Variants in MTMR3 observed in about 807,000 individuals in gnomAD.
MTMR3 encodes the protein myotubularin related protein 3.
MTMR3 carries 32 observed loss-of-function variants against 132.4 expected under a neutral mutation model. The observed-to-expected ratio is 0.24, with a 90% CI of 0.18 to 0.32. MTMR3 has a LOEUF of 0.32. Among genes scored for constraint, MTMR3 ranks in the 10% least tolerant of loss-of-function variants. The probability of loss-of-function intolerance (pLI) is 1.00; values close to 1 mark genes in which losing one functional copy is unlikely to be tolerated. For synonymous variants in MTMR3, 556 were observed against 550.3 expected (o/e 1.01, Z -0.14); for missense variants, 1,216 against 1,489.6 (o/e 0.82, Z 3.02).
chr22:29,968,608 ACT>A lies in MTMR3; in HGVS notation c.-84-2365_-84-2364del, dbSNP rs1227426097. 2.0e-5 allele frequency among the ~76,000 whole-genome samples: 3 copies of A among 151,912 alleles called. No homozygotes were observed. In the East Asian group the frequency reaches 5.8e-4, roughly 29 times the overall value. On this transcript the variant is annotated intron_variant, in intron 2 of 19. Transcript: ENST00000401950. ...AGCATTTCTGTTACACCATCACCAA[ACT>A]CTGCTTAATTTTCTTTGCAGCAGTT...
chr22:29,911,184 G>C (rs546878787), intron 1 of MTMR3, among the ~76,000 whole-genome samples: 1 of 152,226 alleles, frequency 6.6e-6, no homozygotes, highest in African/African-American at 2.4e-5. Flanking sequence ...GTGCCTTTGA[G>C]GCCCTGGTCC....
Position 29,902,160 on chromosome 22 carries a change from A to G in MTMR3, c.-138+18801A>G, listed in dbSNP as rs556370753. Among the ~76,000 whole-genome samples, 195 of 152,266 alleles carry G rather than the reference A, an allele frequency of 1.3e-3. 1 individual carries two copies. The highest frequency in any genetic ancestry group is 4.6e-3 in the African/African-American group (191 of 41,564). On this transcript the variant is annotated intron_variant, in intron 1 of 19. Transcript: ENST00000401950. The stretch of plus-strand genomic sequence containing the variant: ...TATAAATTGCTTGGTAAACTACCCT[A>G]AAAAAGCCCACTCTGGAATGAGAAG...
chr22:30,012,759 T>G (rs2067465370), intron 13 of MTMR3, 196 bp downstream of exon 13: 1 of 526,992 alleles, frequency 1.9e-6, no homozygotes, highest in Non-Finnish European at 3.2e-6. Context: ...TGGGGCAGAT[T>G]ATGGGTAACA....
chr22:29,927,935 C>CTTTTTTTT (rs1448628702), intron 1 of MTMR3, among the ~76,000 whole-genome samples: 2 of 108,472 alleles, frequency 1.8e-5, no homozygotes, highest in African/African-American at 6.3e-5. Context: ...AATCTCTAGC[C>CTTTTTTTT]TTTGTTTTTT....
At chr22:29,971,208 C>CT (rs2066528722) in intron 3 of MTMR3, 146 bp downstream of exon 3, 3 of 839,486 alleles carry the variant, frequency 3.6e-6, no homozygotes, top group Non-Finnish European at 5.3e-6. Context: ...TGTGTCTTTT[C>CT]TTTTCTTGTT....
At chr22:29,963,640 C>G in intron 2 of MTMR3, among the ~76,000 whole-genome samples, 1 of 152,066 alleles carries the variant, frequency 6.6e-6, no homozygotes. Context: ...CCCTCTTCAG[C>G]CTCCCAAAAT....
chr22:29,931,780 CTTTTTTTTT>C (rs34210747), intron 1 of MTMR3, among the ~76,000 whole-genome samples: 2 of 140,944 alleles, frequency 1.4e-5, no homozygotes, highest in African/African-American at 5.3e-5. Context: ...AGAGAGAATC[CTTTTTTTTT>C]TTTTTTTTAA....
At chr22:29,931,574 C>T (rs1258298963) in intron 1 of MTMR3, among the ~76,000 whole-genome samples, 1 of 152,138 alleles carries the variant, frequency 6.6e-6, no homozygotes, top group African/African-American at 2.4e-5. Context: ...GCCCTCATGC[C>T]CAGCTAACTT....
chr22:29,883,515 GCGTCCCCGGCGGCT>G (rs1422193863), intron 1 of MTMR3, among the ~76,000 whole-genome samples, 156 bp downstream of exon 1: 1 of 152,132 alleles, frequency 6.6e-6, no homozygotes, highest in Non-Finnish European at 1.5e-5. Flanking sequence ...CCGGGGAGGG[GCGTCCCCGGCGGCT>G]GTCGCCGCCA....
intron 1 of MTMR3, among the ~76,000 whole-genome samples, chr22:29,917,720 T>A (rs1049861320): frequency 1.3e-5 from 2 of 152,206 alleles, no homozygotes; most frequent in African/African-American, 4.8e-5. Flanking sequence ...GGACAAATAG[T>A]TTTTCCACAT....
chr22:29,898,912 C>T (rs371928547), intron 1 of MTMR3, among the ~76,000 whole-genome samples: 12 of 142,972 alleles, frequency 8.4e-5, no homozygotes, highest in East Asian at 2.0e-4. Flanking sequence ...TTTCTCACAT[C>T]TTTTTTTTTT....
rs767573591 is a variant in MTMR3, at chr22:29,978,461, G to T, written c.23G>T (p.Ser8Ile). The T allele has an allele frequency of 6.2e-7, 1 of 1,613,452 alleles. No individual in the cohort carries two copies. The highest frequency in any genetic ancestry group is 1.7e-5 in the Admixed American group (1 of 60,004). ...TTCCAGGATGAAGAGACTCGGCACAGCCTTGAGTGCATCCAGGCCAATCAG... is the reference window on the plus strand; with the variant it reads ...TTCCAGGATGAAGAGACTCGGCACATCCTTGAGTGCATCCAGGCCAATCAG... Reference protein sequence around the residue: MDEETRHSLECIQANQIF... With the variant: MDEETRHILECIQANQIF... The change falls in exon 4 of 20, where the codon AGC becomes ATC. Residue 8 changes from serine (S) to isoleucine (I), a missense_variant. This residue lies in a region of MTMR3 where 81 missense variants were observed against 87.7 expected (regional missense o/e 0.92). Coordinates refer to ENST00000401950, the MANE Select transcript of MTMR3 (RefSeq NM_021090.4).
At chr22:29,921,635 C>T (rs1390415795) in intron 1 of MTMR3, among the ~76,000 whole-genome samples, 1 of 152,138 alleles carries the variant, frequency 6.6e-6, no homozygotes, top group African/African-American at 2.4e-5. Context: ...AGAACTTTTT[C>T]ATCTTTCTCA....
intron 1 of MTMR3, among the ~76,000 whole-genome samples, chr22:29,896,233 AC>A (rs1361138080): frequency 6.6e-6 from 1 of 152,114 alleles, no homozygotes; most frequent in Non-Finnish European, 1.5e-5. Flanking sequence ...TCGCTTGAAC[AC>A]AGGAAGTAGA....
At chr22:30,005,896 C>T (rs2067264418) in intron 9 of MTMR3, 1 of 152,184 alleles carries the variant, frequency 6.6e-6, no homozygotes, top group African/African-American at 2.4e-5. Flanking sequence ...GAAACATACT[C>T]GTTTTAAGTA....
intron 1 of MTMR3, among the ~76,000 whole-genome samples, chr22:29,918,724 T>C (rs1602471587): frequency 6.6e-6 from 1 of 152,248 alleles, no homozygotes; most frequent in Admixed American, 6.5e-5. Flanking sequence ...TCTTCTGCTT[T>C]CTTTGGATTC....
rs35960936 is a variant in MTMR3 at position 29,884,551 on chromosome 22, C to CT, written c.-138+1221dup. ...GGCTAGAAGAGCTTACAGAATGACA[C>CT]TTTTTTTTTTTTTTTTTTTTTTTTT... On this transcript the variant is annotated intron_variant, in intron 1 of 19. Coordinates refer to ENST00000401950, the MANE Select transcript of MTMR3 (RefSeq NM_021090.4). Among the ~76,000 whole-genome samples, 205 of 62,682 alleles carry CT rather than the reference C, an allele frequency of 3.3e-3. 5 individuals are homozygous for CT. The highest frequency in any genetic ancestry group is 6.9e-3 in the African/African-American group (123 of 17,858). 41.1% of individuals were successfully genotyped at this position (62,682 alleles called of 152,430 possible).
At chr22:29,959,138 G>A (rs1309497980) in intron 2 of MTMR3, among the ~76,000 whole-genome samples, 1 of 152,172 alleles carries the variant, frequency 6.6e-6, no homozygotes, top group Non-Finnish European at 1.5e-5. Flanking sequence ...TGTTCAGTAG[G>A]AAGATTAAAT....
At chr22:29,953,829 A>C (rs530235221) in intron 1 of MTMR3, among the ~76,000 whole-genome samples, 3 of 152,246 alleles carry the variant, frequency 2.0e-5, no homozygotes, top group East Asian at 3.9e-4. Flanking sequence ...TTAGTGCTTA[A>C]TGTGTTTAAG....
Sources: allele counts gnomAD v4.1 joint callset (sites outside exome capture counted in the v4.1 genomes callset), GRCh38; gene constraint gnomAD v4.1.1; regional missense constraint gnomAD v4.1.1; transcripts MANE v1.5; gene names NCBI Gene and HGNC (gene_info 2026-07-23, HGNC 2026-07-21).